FRMD4A: variants seen among roughly 807,000 people sequenced by gnomAD.
The protein encoded by FRMD4A is FERM domain containing 4A.
A neutral mutation model predicts 129.1 loss-of-function variants in FRMD4A; 29 were observed. The observed-to-expected ratio is 0.22, with a 90% CI of 0.17 to 0.31. The LOEUF (loss-of-function observed/expected upper bound fraction) is 0.31. Among genes scored for constraint, FRMD4A ranks in the 10% least tolerant of loss-of-function variants. The probability of loss-of-function intolerance (pLI) is 1.00; values close to 1 mark genes in which losing one functional copy is unlikely to be tolerated. For missense variants in FRMD4A, 1,272 were observed against 1,375.8 expected (o/e 0.92, Z 1.19); for synonymous variants, 634 against 571.6 (o/e 1.11, Z -1.56).
intron 2 of FRMD4A, among the ~76,000 whole-genome samples, chr10:13,935,199 T>C (rs1316051853): frequency 6.6e-6 from 1 of 151,912 alleles, no homozygotes; most frequent in African/African-American, 2.4e-5. Context: ...AGCACTTTGG[T>C]AGGCTGAGCA....
chr10:14,121,897 G>T (rs1298438827), intron 2 of FRMD4A, among the ~76,000 whole-genome samples: 1 of 152,150 alleles, frequency 6.6e-6, no homozygotes, highest in Non-Finnish European at 1.5e-5. Context: ...TTTTCTCATT[G>T]GTTAAATGGA....
chr10:14,176,466 C>CT (rs35347674), intron 2 of FRMD4A, among the ~76,000 whole-genome samples: 1,960 of 72,848 alleles, frequency 0.027, 388 homozygotes, highest in African/African-American at 0.067. Flanking sequence ...TCACCTCCAT[C>CT]TTTTTTTTTT....
At chr10:13,723,860 A>C (rs1278684465) in intron 12 of FRMD4A, among the ~76,000 whole-genome samples, 1 of 152,198 alleles carries the variant, frequency 6.6e-6, no homozygotes, top group East Asian at 1.9e-4. Flanking sequence ...AGACGAACTG[A>C]AGCGGGGATG....
chr10:13,714,117 T>C (rs1384667720), intron 12 of FRMD4A, among the ~76,000 whole-genome samples: 1 of 142,204 alleles, frequency 7.0e-6, no homozygotes, highest in Non-Finnish European at 1.5e-5. Context: ...TGGAGTGCAG[T>C]GGCACGTTCT....
intron 2 of FRMD4A, among the ~76,000 whole-genome samples, chr10:13,888,018 A>G (rs2094645466): frequency 6.6e-6 from 1 of 152,232 alleles, no homozygotes; most frequent in Non-Finnish European, 1.5e-5. Flanking sequence ...TTTTTGCAGA[A>G]GAGAGCATTG....
intron 2 of FRMD4A, among the ~76,000 whole-genome samples, chr10:14,275,152 C>G (rs1260831960): frequency 6.6e-6 from 1 of 152,170 alleles, no homozygotes; most frequent in Non-Finnish European, 1.5e-5. Flanking sequence ...GTGTCAGGCT[C>G]TCTGTCCCAC....
intron 8 of FRMD4A, among the ~76,000 whole-genome samples, chr10:13,751,554 G>C (rs939120726): frequency 6.6e-6 from 1 of 152,208 alleles, no homozygotes; most frequent in Non-Finnish European, 1.5e-5. Flanking sequence ...TCTACCCCCA[G>C]AGCTTGCAAG....
At chr10:13,854,336 C>T (rs138064382) in intron 3 of FRMD4A, among the ~76,000 whole-genome samples, 224 of 152,258 alleles carry the variant, frequency 1.5e-3, no homozygotes, top group African/African-American at 5.1e-3. Flanking sequence ...AAACATGCTC[C>T]GCCCCCCATA....
chr10:13,711,944 A>C (rs2088063342), intron 12 of FRMD4A: 1 of 152,280 alleles, frequency 6.6e-6, no homozygotes, highest in South Asian at 2.1e-4. Flanking sequence ...TAGTGGGAAC[A>C]GCTCTTACTG....
At chr10:14,279,833 T>C (rs1374296010) in intron 2 of FRMD4A, among the ~76,000 whole-genome samples, 1 of 152,232 alleles carries the variant, frequency 6.6e-6, no homozygotes, top group African/African-American at 2.4e-5. Flanking sequence ...AAGTTACTTA[T>C]TCAAAATGAC....
In FRMD4A at chr10:13,645,966, T is replaced by C. The variant is rs1441449413; in HGVS notation, c.*1072A>G. ...ACTTTTGGCCATTATCACCTTACGT[T>C]ACTACAAATCCTGAAAGGAAAGCAG... On this transcript the variant is annotated 3_prime_UTR_variant, in exon 25 of 25. Transcript: ENST00000357447. 1 of 152,544 alleles carries C rather than the reference T, an allele frequency of 6.6e-6. No homozygotes were observed. Among genetic ancestry groups the C allele is most frequent in the Non-Finnish European group, 1.5e-5 (1 of 68,046 alleles). 9.4% of individuals were successfully genotyped at this position (152,544 alleles called of 1,614,324 possible). A position where few individuals can be genotyped will look rare whatever the true frequency, so the allele number is the denominator to read the frequency against.
chr10:14,065,309 G>A (rs530313312), intron 2 of FRMD4A, among the ~76,000 whole-genome samples: 3 of 152,098 alleles, frequency 2.0e-5, no homozygotes, highest in South Asian at 2.1e-4. Context: ...TCAGCCTCCC[G>A]AGTAGCTGGG....
At chr10:13,901,691 T>C (rs186605875) in intron 2 of FRMD4A, among the ~76,000 whole-genome samples, 8 of 152,176 alleles carry the variant, frequency 5.3e-5, no homozygotes, top group African/African-American at 1.7e-4. Context: ...TGAAGGTTTA[T>C]GTGCAAGTGA....
intron 4 of FRMD4A, among the ~76,000 whole-genome samples, chr10:13,804,429 C>T (rs1265098256): frequency 1.3e-5 from 2 of 152,332 alleles, no homozygotes; most frequent in African/African-American, 2.4e-5. Context: ...GAAACAAACG[C>T]GAGGACCTGA....
intron 2 of FRMD4A, among the ~76,000 whole-genome samples, chr10:14,088,935 A>T (rs1310961382): frequency 6.6e-6 from 1 of 152,088 alleles, no homozygotes; most frequent in African/African-American, 2.4e-5. Context: ...GGCGGGGACC[A>T]GGGGTGTGGC....
At chr10:14,103,520 A>G (rs555999864) in intron 2 of FRMD4A, among the ~76,000 whole-genome samples, 9 of 152,200 alleles carry the variant, frequency 5.9e-5, no homozygotes, top group Non-Finnish European at 1.3e-4. Context: ...ACAGCCCTGG[A>G]TTAACTACCT....
At chr10:14,180,257 T>A (rs543181957) in intron 2 of FRMD4A, among the ~76,000 whole-genome samples, 2 of 152,330 alleles carry the variant, frequency 1.3e-5, no homozygotes, top group East Asian at 3.9e-4. Flanking sequence ...ATTATTCCCA[T>A]TTAACATATG....
intron 3 of FRMD4A, among the ~76,000 whole-genome samples, chr10:13,811,217 C>A (rs566377755): frequency 6.0e-5 from 9 of 149,924 alleles, no homozygotes; most frequent in Admixed American, 4.7e-4. Context: ...CTCACTGCAA[C>A]CTCTGCCTCC....
At chr10:14,239,352 A>G (rs1027796445) in intron 2 of FRMD4A, among the ~76,000 whole-genome samples, 2 of 152,164 alleles carry the variant, frequency 1.3e-5, no homozygotes, top group African/African-American at 2.4e-5. Context: ...AGCTGGCCGG[A>G]CGCGGTGGCT....
Sources: allele counts gnomAD v4.1 joint callset (sites outside exome capture counted in the v4.1 genomes callset), GRCh38; gene constraint gnomAD v4.1.1; transcripts MANE v1.5; gene names NCBI Gene and HGNC (gene_info 2026-07-23, HGNC 2026-07-21).